The following PCCA variants were observed in gnomAD, a reference collection of about 807,000 sequenced individuals.
PCCA encodes propionyl-CoA carboxylase subunit alpha.
PCCA carries 74 observed loss-of-function variants against 101.3 expected under a neutral mutation model. That is an observed-to-expected ratio of 0.73 (90% confidence interval 0.61 to 0.89). The LOEUF is 0.89. Ranked by LOEUF, PCCA falls within the 40% of genes least tolerant of loss-of-function variation. The pLI is 0.00. For synonymous variants in PCCA, 294 were observed against 313.6 expected, an observed-to-expected ratio of 0.94 and a Z score of 0.66; for missense variants, 891 against 907.0, an observed-to-expected ratio of 0.98 and a Z score of 0.23.
At chr13:100,329,680 T>A (rs911196143) in intron 16 of PCCA, among the ~76,000 whole-genome samples, 8 of 152,140 alleles carry the variant, frequency 5.3e-5, no homozygotes, top group African/African-American at 1.9e-4. Context: ...TCTTGGATTG[T>A]GATGTGTGAT....
intron 20 of PCCA, among the ~76,000 whole-genome samples, chr13:100,426,014 T>G (rs1197348032): frequency 6.8e-6 from 1 of 146,620 alleles, no homozygotes; most frequent in African/African-American, 2.5e-5. Flanking sequence ...AGATTAGCTG[T>G]TTTTTTTTTT....
chr13:100,273,104 G>A (rs1264997736), intron 11 of PCCA, 92 bp from the exon 12 acceptor site: 1 of 889,178 alleles, frequency 1.1e-6, no homozygotes, highest in African/African-American at 1.7e-5. Context: ...ATCTATATCT[G>A]AGTAAACTTT....
intron 4 of PCCA, among the ~76,000 whole-genome samples, chr13:100,152,879 T>C (rs1191394738): frequency 6.6e-6 from 1 of 152,212 alleles, no homozygotes; most frequent in Non-Finnish European, 1.5e-5. Context: ...AGACTAAAAA[T>C]GTCAATACTA....
intron 6 of PCCA, among the ~76,000 whole-genome samples, chr13:100,166,499 A>T (rs1410935678): frequency 1.3e-5 from 2 of 152,102 alleles, no homozygotes; most frequent in African/African-American, 2.4e-5. Flanking sequence ...GGATTTTGTC[A>T]TGTTGGCCAG....
intron 7 of PCCA, among the ~76,000 whole-genome samples, chr13:100,215,014 G>T (rs2059433442): frequency 6.6e-6 from 1 of 152,164 alleles, no homozygotes; most frequent in Non-Finnish European, 1.5e-5. Flanking sequence ...TACTGTGCCA[G>T]TCTATCCTTT....
At chr13:100,268,445 T>C in intron 10 of PCCA, 1 of 541,678 alleles carries the variant, frequency 1.8e-6, no homozygotes, top group East Asian at 3.4e-5. Flanking sequence ...TTACTCGTTG[T>C]ATTTGAAAGG....
At chr13:100,239,046 T>C (rs952761599) in intron 8 of PCCA, among the ~76,000 whole-genome samples, 3 of 152,208 alleles carry the variant, frequency 2.0e-5, no homozygotes, top group Non-Finnish European at 4.4e-5. Flanking sequence ...TCTGGAAACA[T>C]TAATCTATGC....
chr13:100,131,084 C>T (rs1005788426), intron 4 of PCCA, among the ~76,000 whole-genome samples: 1 of 151,880 alleles, frequency 6.6e-6, no homozygotes, highest in Non-Finnish European at 1.5e-5. Flanking sequence ...AACTTGCAGA[C>T]TGGGGAGGCA....
At chr13:100,451,557 A>G (rs943117427) in intron 21 of PCCA, among the ~76,000 whole-genome samples, 1 of 152,034 alleles carries the variant, frequency 6.6e-6, no homozygotes, top group Non-Finnish European at 1.5e-5. Flanking sequence ...TAGCATCTCT[A>G]CTGGGTTTCT....
rs143520880 is a variant in PCCA, at chr13:100,123,150, A to T, written c.300+11089A>T. Among the ~76,000 whole-genome samples the T allele has an allele frequency of 3.6e-4, 55 of 152,298 alleles. No homozygotes were observed. In the East Asian group the frequency reaches 0.01, roughly 29 times the overall value. On this transcript the variant is annotated intron_variant, in intron 4 of 23. Coordinates refer to ENST00000376285, the MANE Select transcript of PCCA (RefSeq NM_000282.4). ...TGGTTCATTGCAACCTCCGCCTCAC[A>T]GGTTCAAGCATTCTCATGCCTCAGC...
intron 21 of PCCA, among the ~76,000 whole-genome samples, chr13:100,504,598 AAATACTT>A (rs1211683776): frequency 6.6e-6 from 1 of 152,210 alleles, no homozygotes; most frequent in Non-Finnish European, 1.5e-5. Context: ...GATGGCTATT[AAATACTT>A]AATGACATTT....
chr13:100,196,243 G>A (rs964293192), intron 6 of PCCA, among the ~76,000 whole-genome samples: 2 of 152,008 alleles, frequency 1.3e-5, no homozygotes, highest in African/African-American at 4.8e-5. Context: ...TCAGAAACCC[G>A]AAACATTTAA....
chr13:100,393,798 C>G (rs1000061463), intron 19 of PCCA, among the ~76,000 whole-genome samples: 1 of 152,058 alleles, frequency 6.6e-6, no homozygotes, highest in African/African-American at 2.4e-5. Context: ...AGGACTAATT[C>G]TTTGATTAAT....
intron 19 of PCCA, among the ~76,000 whole-genome samples, chr13:100,425,301 A>G (rs1312759982): frequency 1.3e-5 from 2 of 152,222 alleles, no homozygotes; most frequent in East Asian, 3.8e-4. Context: ...GGGTTGCAAG[A>G]TGTCACTGGA....
intron 6 of PCCA, among the ~76,000 whole-genome samples, chr13:100,158,843 G>A (rs1198127147): frequency 1.3e-5 from 2 of 151,880 alleles, no homozygotes; most frequent in East Asian, 3.9e-4. Context: ...TTGAGTAGTT[G>A]TGACAGAGAC....
chr13:100,154,796 C>A lies in PCCA; in HGVS notation c.301-183C>A, dbSNP rs974677627. ...TGAATTAGGCTGTAATAAATGAAATCATGGTTAATAGAGTTCCTGAGTTTA... is the reference window on the plus strand; with the variant it reads ...TGAATTAGGCTGTAATAAATGAAATAATGGTTAATAGAGTTCCTGAGTTTA... On this transcript the variant is annotated intron_variant, in intron 4 of 23. Coordinates refer to ENST00000376285, the MANE Select transcript of PCCA (RefSeq NM_000282.4). The A allele has an allele frequency of 6.8e-6, 4 of 592,292 alleles. No individual in the cohort carries two copies. The African/African-American group carries it at 7.4e-5, about 11-fold the overall frequency. 36.7% of individuals were successfully genotyped at this position (592,292 alleles called of 1,614,324 possible). A position where few individuals can be genotyped will look rare whatever the true frequency, so the allele number is the denominator to read the frequency against.
intron 21 of PCCA, among the ~76,000 whole-genome samples, chr13:100,475,183 G>T (rs1249364213): frequency 1.3e-5 from 2 of 152,138 alleles, no homozygotes; most frequent in African/African-American, 2.4e-5. Flanking sequence ...AAGTAAGTGG[G>T]ATTATAGGTG....
chr13:100,307,059 A>G (rs553098640), intron 14 of PCCA, 133 bp from the exon 15 acceptor site: 137 of 688,736 alleles, frequency 2.0e-4, no homozygotes, highest in South Asian at 1.0e-3. Flanking sequence ...TTGTTTTCCT[A>G]TTTTCCAGAA....
intron 19 of PCCA, among the ~76,000 whole-genome samples, chr13:100,386,632 C>T (rs1366032913): frequency 1.3e-5 from 2 of 152,208 alleles, no homozygotes; most frequent in Non-Finnish European, 2.9e-5. Flanking sequence ...CCACCCGCCT[C>T]GGCTTCCCAA....
Sources: gnomAD v4.1 joint callset for allele counts (sites outside exome capture counted in the v4.1 genomes callset) on GRCh38, gnomAD v4.1.1 for gene constraint, MANE v1.5 for transcripts, NCBI Gene and HGNC (gene_info 2026-07-23, HGNC 2026-07-21) for gene names.